ITGAE: variants seen among roughly 807,000 people sequenced by gnomAD.
ITGAE encodes the protein integrin alpha-E.
Under a neutral mutation model 136.5 loss-of-function variants are expected in ITGAE, and 99 were observed. The ratio of observed to expected loss-of-function variants is 0.73; its 90% confidence interval spans 0.62 to 0.86. ITGAE has a LOEUF of 0.86. Among genes scored for constraint, ITGAE ranks in the 40% least tolerant of loss-of-function variants. ITGAE has a pLI of 0.00. For synonymous variants in ITGAE, 613 were observed against 591.8 expected, an observed-to-expected ratio of 1.04 and a Z score of -0.52; for missense variants, 1,447 against 1,515.3, an observed-to-expected ratio of 0.95 and a Z score of 0.75.
In ITGAE at chr17:3,798,220, C is replaced by A. The variant is rs1050534677; in HGVS notation, c.34+2891G>T. 6.6e-6 allele frequency among the ~76,000 whole-genome samples: 1 copy of A among 152,188 alleles called. No individual in the cohort carries two copies. The highest frequency in any genetic ancestry group is 1.5e-5 in the Non-Finnish European group (1 of 68,024). On this transcript the variant is annotated intron_variant, in intron 1 of 30. Coordinates refer to ENST00000263087, the MANE Select transcript of ITGAE (RefSeq NM_002208.5). The surrounding 1 kb of genome is among the most constrained non-coding windows in gnomAD (Gnocchi z 4.3). ...TCTGCCTGGAGTGCCCCTTCCCTAC[C>A]CCCGTGCTGTGACACCCTGCCGGGG...
In ITGAE at chr17:3,736,833, G is replaced by T. The variant is rs573767173; in HGVS notation, c.2523-1884C>A. Among the ~76,000 whole-genome samples, 14 of 150,510 alleles carry T rather than the reference G, an allele frequency of 9.3e-5. No individual in the cohort carries two copies. In the East Asian group the frequency reaches 2.7e-3, roughly 29 times the overall value. On this transcript the variant is annotated intron_variant, in intron 20 of 30. Coordinates refer to ENST00000263087, the MANE Select transcript of ITGAE (RefSeq NM_002208.5). ...TGGGATTACAGGCGTGAGCCACCAC[G>T]CCCGGCCTAGGAAGTAATGTGAGGT... is the stretch of plus-strand genomic sequence containing the variant.
At chr17:3,776,054 CTTT>C (rs71153398) in intron 2 of ITGAE, among the ~76,000 whole-genome samples, 3 of 122,840 alleles carry the variant, frequency 2.4e-5, no homozygotes, top group Non-Finnish European at 5.0e-5. Flanking sequence ...GTGCTAAGCC[CTTT>C]TTTTTTTTTT....
chr17:3,717,067 T>G (rs1175669849), intron 29 of ITGAE: 1 of 354,912 alleles, frequency 2.8e-6, no homozygotes, highest in Non-Finnish European at 5.2e-6. Flanking sequence ...GACCTTCTGT[T>G]AAAGATGCTC....
chr17:3,755,277 A>G lies in ITGAE; in HGVS notation c.1240-16T>C, dbSNP rs781525317. 1 of 1,562,722 alleles carries G rather than the reference A, an allele frequency of 6.4e-7. No individual in the cohort carries two copies. Among genetic ancestry groups the G allele is most frequent in the Non-Finnish European group, 8.6e-7 (1 of 1,160,992 alleles). On this transcript the variant is annotated splice_polypyrimidine_tract_variant and intron_variant, in intron 11 of 30. Transcript: ENST00000263087. Reference sequence around the variant, plus strand: ...GCACCTGCCGCTGAAGGGGACGGGGATGGGGCCCAGATGAGTGGGAGGGAC... The same window carrying G: ...GCACCTGCCGCTGAAGGGGACGGGGGTGGGGCCCAGATGAGTGGGAGGGAC...
At chr17:3,749,824 T>G (rs1269638231) in intron 16 of ITGAE, among the ~76,000 whole-genome samples, 1 of 151,980 alleles carries the variant, frequency 6.6e-6, no homozygotes, top group Non-Finnish European at 1.5e-5. Flanking sequence ...AAGACCAGCC[T>G]GGCCAACATG....
chr17:3,744,641 G>T (rs1020054260), intron 18 of ITGAE, among the ~76,000 whole-genome samples: 1 of 151,730 alleles, frequency 6.6e-6, no homozygotes, highest in Non-Finnish European at 1.5e-5. Context: ...TAGAGACAGG[G>T]TTTTACCACA....
At chr17:3,733,345 G>A (rs551056001) in intron 21 of ITGAE, among the ~76,000 whole-genome samples, 28 of 152,206 alleles carry the variant, frequency 1.8e-4, no homozygotes, top group African/African-American at 5.8e-4. Context: ...TAAGATGACC[G>A]GGGACAAATC....
chr17:3,720,224 A>G, intron 29 of ITGAE, 83 bp downstream of exon 29: 1 of 690,872 alleles, frequency 1.4e-6, no homozygotes, highest in Non-Finnish European at 2.7e-6. Flanking sequence ...AAACAGGAAG[A>G]GGGCAACAGA....
At chr17:3,725,835 G>T in intron 26 of ITGAE, 1 of 1,611,854 alleles carries the variant, frequency 6.2e-7, no homozygotes. Context: ...CCAGCTCACA[G>T]CCTCCCTCGC....
chr17:3,776,367 C>CTAGGT (rs2052540564), intron 2 of ITGAE, among the ~76,000 whole-genome samples: 1 of 152,182 alleles, frequency 6.6e-6, no homozygotes, highest in East Asian at 1.9e-4. Flanking sequence ...AGAACCTGTG[C>CTAGGT]TAAGCCCTTT....
intron 1 of ITGAE, among the ~76,000 whole-genome samples, chr17:3,786,854 C>T (rs910047188): frequency 1.4e-5 from 2 of 139,244 alleles, no homozygotes; most frequent in African/African-American, 5.4e-5. Flanking sequence ...TGCGCCACTG[C>T]ACTCCAGCCT....
chr17:3,762,696 C>T (rs1404013927), intron 3 of ITGAE, among the ~76,000 whole-genome samples: 3 of 146,602 alleles, frequency 2.0e-5, no homozygotes, highest in African/African-American at 7.6e-5. Flanking sequence ...CTCCCAGGTT[C>T]ACGCCATTCT....
intron 1 of ITGAE, among the ~76,000 whole-genome samples, chr17:3,779,404 T>C (rs1036670893): frequency 2.6e-5 from 4 of 152,132 alleles, no homozygotes; most frequent in African/African-American, 9.6e-5. Flanking sequence ...CTTGGCTCAC[T>C]ACAACTTCTG....
chr17:3,723,638 C>T (rs752624396), intron 27 of ITGAE, 50 bp downstream of exon 27: 22 of 1,502,924 alleles, frequency 1.5e-5, no homozygotes, highest in Non-Finnish European at 2.0e-5. Context: ...TCTCGTTACC[C>T]GCTTCAGGCC....
chr17:3,782,699 A>G lies in ITGAE; in HGVS notation c.35-5039T>C, dbSNP rs368486353. Among the ~76,000 whole-genome samples the G allele has an allele frequency of 1.3e-4, 20 of 152,252 alleles. No homozygotes were observed. In the South Asian group the frequency reaches 4.1e-3, roughly 32 times the overall value. Reference sequence around the variant, plus strand: ...ATGGGAAAAAAGCAAGGTGAAGTCCAGTTTACAGACTTACCTGTTCAATTA... The same window carrying G: ...ATGGGAAAAAAGCAAGGTGAAGTCCGGTTTACAGACTTACCTGTTCAATTA... On this transcript the variant is annotated intron_variant, in intron 1 of 30. Transcript: ENST00000263087.
intron 4 of ITGAE, 22 bp downstream of exon 4, chr17:3,761,893 C>G: frequency 6.2e-7 from 1 of 1,609,482 alleles, no homozygotes; most frequent in African/African-American, 1.3e-5. Flanking sequence ...AAGGCCCTCC[C>G]TCCTCTCGCT....
chr17:3,738,226 A>C (rs1235027163), intron 20 of ITGAE, among the ~76,000 whole-genome samples: 1 of 133,286 alleles, frequency 7.5e-6, no homozygotes, highest in Admixed American at 8.2e-5. Flanking sequence ...GCTGGAGTGC[A>C]GTGGAGCGAT....
intron 1 of ITGAE, chr17:3,784,417 A>G: frequency 4.4e-6 from 1 of 228,004 alleles, no homozygotes; most frequent in Non-Finnish European, 8.6e-6. Context: ...TTTTTTTGAG[A>G]CGGAGTCTGG....
intron 6 of ITGAE, 141 bp from the exon 7 acceptor site, chr17:3,760,428 AGCT>A: frequency 3.2e-5 from 3 of 93,958 alleles, no homozygotes; most frequent in East Asian, 1.2e-4. Flanking sequence ...CCAAGAGGGA[AGCT>A]TTTTTTTTTT....
Sources: gnomAD v4.1 joint callset for allele counts (sites outside exome capture counted in the v4.1 genomes callset) on GRCh38, gnomAD v4.1.1 for gene constraint, Gnocchi (gnomAD v3.1) non-coding constraint, MANE v1.5 for transcripts, NCBI Gene and HGNC (gene_info 2026-07-23, HGNC 2026-07-21) for gene names.